Variants in PCSK2 observed in about 807,000 individuals in gnomAD.
The protein encoded by PCSK2 is neuroendocrine convertase 2.
Under a neutral mutation model 69.7 loss-of-function variants are expected in PCSK2, and 14 were observed. The ratio of observed to expected loss-of-function variants is 0.20; its 90% CI spans 0.13 to 0.31. The LOEUF (loss-of-function observed/expected upper bound fraction) is 0.31. PCSK2 is among the 10% of genes least tolerant of loss of function. PCSK2 has a pLI of 1.00. For missense variants in PCSK2, 544 were observed against 842.5 expected, an observed-to-expected ratio of 0.65 and a Z score of 4.39; for synonymous variants, 307 against 320.7, an observed-to-expected ratio of 0.96 and a Z score of 0.46.
chr20:17,316,309 G>GTGCC, intron 2 of PCSK2, among the ~76,000 whole-genome samples: 1 of 152,330 alleles, frequency 6.6e-6, no homozygotes, highest in African/African-American at 2.4e-5. Context: ...AACACCAAGG[G>GTGCC]TGCCGTCTGT....
chr20:17,250,613 T>C (rs1184905296), intron 1 of PCSK2, among the ~76,000 whole-genome samples: 2 of 152,198 alleles, frequency 1.3e-5, no homozygotes, highest in African/African-American at 4.8e-5. Flanking sequence ...AATGATGATA[T>C]TCAATGTCCA....
chr20:17,256,697 A>G (rs1001940526), intron 1 of PCSK2, among the ~76,000 whole-genome samples: 13 of 151,754 alleles, frequency 8.6e-5, no homozygotes, highest in African/African-American at 2.7e-4. Context: ...ATAGGTATAT[A>G]CGTGCCATGG....
At chr20:17,433,650 T>G (rs1008903350) in intron 7 of PCSK2, among the ~76,000 whole-genome samples, 4 of 152,194 alleles carry the variant, frequency 2.6e-5, no homozygotes, top group Non-Finnish European at 5.9e-5. Flanking sequence ...TCACCTCTAC[T>G]CATTAATGTG....
intron 11 of PCSK2, among the ~76,000 whole-genome samples, chr20:17,471,343 C>CCTA (rs2033198002): frequency 2.0e-5 from 3 of 152,180 alleles, no homozygotes; most frequent in Admixed American, 2.0e-4. Flanking sequence ...GAACTTTATG[C>CCTA]AAGATCAATG....
intron 6 of PCSK2, 149 bp downstream of exon 6, chr20:17,409,488 C>T (rs762463265): frequency 4.9e-5 from 30 of 607,542 alleles, no homozygotes; most frequent in Non-Finnish European, 7.1e-5. Context: ...GTTACATTCT[C>T]TAAAGTGAAA....
At chr20:17,289,411 A>G (rs1203275485) in intron 2 of PCSK2, among the ~76,000 whole-genome samples, 1 of 152,238 alleles carries the variant, frequency 6.6e-6, no homozygotes, top group Non-Finnish European at 1.5e-5. Flanking sequence ...CTGAATGTCA[A>G]TAATGGGAGA....
At chr20:17,256,029 G>T (rs1987164380) in intron 1 of PCSK2, among the ~76,000 whole-genome samples, 2 of 152,086 alleles carry the variant, frequency 1.3e-5, no homozygotes, top group African/African-American at 4.8e-5. Context: ...GTTTCTGAAG[G>T]ACTGGAATTA....
intron 5 of PCSK2, among the ~76,000 whole-genome samples, chr20:17,394,979 C>T (rs1193938109): frequency 6.6e-6 from 1 of 152,190 alleles, no homozygotes. Context: ...TCACATTTCA[C>T]ATTAGCTGGG....
At position 17,482,025 on chromosome 20, in the gene PCSK2, C is replaced by T; in HGVS notation, c.1872C>T (p.Asp624=). Residue 624 remains aspartate (D), a synonymous_variant, in exon 12 of 12, where the codon GAC becomes GAT. Transcript: ENST00000262545. ...AAGAGGAGCTGGAGGAAGAGCTGGA[C>T]GAAGCCGTGGAGAGAAGCCTGAAAA... is the stretch of plus-strand genomic sequence containing the variant. The part of the protein sequence containing the change: ...SKKEELEEEL[D]EAVERSLKSI... 1.2e-6 allele frequency: 2 copies of T among 1,609,846 alleles called. No individual in the cohort carries two copies. The highest frequency in any genetic ancestry group is 1.7e-5 in the Admixed American group (1 of 59,694).
intron 5 of PCSK2, among the ~76,000 whole-genome samples, chr20:17,394,952 G>C (rs547651215): frequency 1.3e-5 from 2 of 152,262 alleles, no homozygotes; most frequent in African/African-American, 4.8e-5. Context: ...GAACAGTTGG[G>C]GATCAGTTCT....
chr20:17,264,860 CTTTCTTTCT>C (rs1987530163), intron 2 of PCSK2, among the ~76,000 whole-genome samples: 1 of 68,784 alleles, frequency 1.5e-5, no homozygotes, highest in South Asian at 3.8e-4. Context: ...TCTTTTCTTT[CTTTCTTTCT>C]TTTTTTTTTC....
chr20:17,345,318 G>A (rs1238886926), intron 2 of PCSK2, among the ~76,000 whole-genome samples: 21 of 152,128 alleles, frequency 1.4e-4, no homozygotes, highest in Admixed American at 1.4e-3. Flanking sequence ...GACATTTATA[G>A]TATGCTTCAT....
chr20:17,299,047 C>A (rs539242274), intron 2 of PCSK2, among the ~76,000 whole-genome samples: 1 of 152,236 alleles, frequency 6.6e-6, no homozygotes, highest in East Asian at 1.9e-4. Context: ...CTTAATATTT[C>A]TAATTTTTAA....
intron 2 of PCSK2, among the ~76,000 whole-genome samples, chr20:17,265,827 C>A (rs1368837931): frequency 1.3e-5 from 2 of 152,122 alleles, no homozygotes; most frequent in African/African-American, 2.4e-5. Flanking sequence ...AGCCCTTGAC[C>A]TTGAAGCATT....
chr20:17,259,219 T>C (rs866965800), intron 1 of PCSK2, among the ~76,000 whole-genome samples: 12 of 152,202 alleles, frequency 7.9e-5, no homozygotes, highest in Admixed American at 3.9e-4. Context: ...CTTTTTGATT[T>C]AGGGACTCTT....
chr20:17,379,490 AT>A (rs148665893), intron 5 of PCSK2, among the ~76,000 whole-genome samples: 2,385 of 152,354 alleles, frequency 0.016, 60 homozygotes, highest in African/African-American at 0.055. Context: ...TAGAAGATAA[AT>A]TTTGTGGTTG....
At chr20:17,404,344 C>T (rs917124238) in intron 5 of PCSK2, among the ~76,000 whole-genome samples, 2 of 152,208 alleles carry the variant, frequency 1.3e-5, no homozygotes, top group Non-Finnish European at 2.9e-5. Flanking sequence ...CAAGTAACTG[C>T]CACTCTCTGC....
In PCSK2 at chr20:17,227,490, C is replaced by G; in HGVS notation, c.177+8C>G. The G allele has an allele frequency of 6.2e-7, 1 of 1,611,034 alleles. No homozygotes were observed. The highest frequency in any genetic ancestry group is 8.5e-7 in the Non-Finnish European group (1 of 1,177,448). ...GGCTTTGGAGTCCGAAAGGTAAGCTCTCCCATGCATTTCGCATGTTGTTTC... is the reference window on the plus strand; with the variant it reads ...GGCTTTGGAGTCCGAAAGGTAAGCTGTCCCATGCATTTCGCATGTTGTTTC... On this transcript the variant is annotated splice_region_variant and intron_variant, in intron 1 of 11. Transcript: ENST00000262545.
chr20:17,326,735 C>A (rs1009280194), intron 2 of PCSK2, among the ~76,000 whole-genome samples: 7 of 152,214 alleles, frequency 4.6e-5, no homozygotes, highest in African/African-American at 1.7e-4. Context: ...TTATTACAGT[C>A]TTACAAATGA....
Sources: allele counts gnomAD v4.1 joint callset (sites outside exome capture counted in the v4.1 genomes callset), GRCh38; gene constraint gnomAD v4.1.1; transcripts MANE v1.5; gene names NCBI Gene and HGNC (gene_info 2026-07-23, HGNC 2026-07-21).